The following CNTNAP4 variants were observed in gnomAD, a reference collection of about 807,000 sequenced individuals.
CNTNAP4 encodes contactin-associated protein-like 4.
CNTNAP4 carries 98 observed loss-of-function variants against 148.4 expected under a neutral mutation model. That is an observed-to-expected ratio of 0.66 (90% confidence interval 0.56 to 0.78). CNTNAP4 has a LOEUF of 0.78. CNTNAP4 is among the 30% of genes least tolerant of loss of function. The probability of loss-of-function intolerance (pLI) is 0.00; values close to 1 mark genes in which losing one functional copy is unlikely to be tolerated. For missense variants in CNTNAP4, 1,935 were observed against 1,565.6 expected (o/e 1.24, Z -3.98); for synonymous variants, 730 against 565.1 (o/e 1.29, Z -4.14).
At chr16:76,487,263 G>A (rs868145670) in intron 12 of CNTNAP4, among the ~76,000 whole-genome samples, 1 of 152,094 alleles carries the variant, frequency 6.6e-6, no homozygotes, top group Non-Finnish European at 1.5e-5. Context: ...TTATTCATTC[G>A]TTTGTTTATT....
chr16:76,385,492 A>T (rs779368131), intron 3 of CNTNAP4, among the ~76,000 whole-genome samples: 44 of 152,042 alleles, frequency 2.9e-4, no homozygotes, highest in Non-Finnish European at 6.3e-4. Flanking sequence ...ATATATAGCA[A>T]TGTTTCCTTT....
chr16:76,402,566 C>G (rs2078457094), intron 3 of CNTNAP4, among the ~76,000 whole-genome samples: 1 of 151,932 alleles, frequency 6.6e-6, no homozygotes. Flanking sequence ...CAGTTTAGCT[C>G]TGATTTTGGT....
intron 1 of CNTNAP4, among the ~76,000 whole-genome samples, chr16:76,303,203 T>G (rs182550617): frequency 5.3e-4 from 81 of 152,154 alleles, no homozygotes; most frequent in African/African-American, 1.6e-3. Flanking sequence ...GTTGGCTTGA[T>G]TTTTTTTCCC....
chr16:76,364,429 CA>C (rs1453809491), intron 3 of CNTNAP4, among the ~76,000 whole-genome samples: 1 of 152,114 alleles, frequency 6.6e-6, no homozygotes, highest in East Asian at 1.9e-4. Context: ...GGTGCCTCTT[CA>C]GAGTGTACAC....
At chr16:76,438,476 AAG>A (rs2079916143) in intron 4 of CNTNAP4, among the ~76,000 whole-genome samples, 3 of 152,106 alleles carry the variant, frequency 2.0e-5, no homozygotes, top group Non-Finnish European at 4.4e-5. Flanking sequence ...AAAGGGAAGA[AAG>A]AAATCCCACA....
intron 20 of CNTNAP4, among the ~76,000 whole-genome samples, chr16:76,540,378 CT>C (rs1171390041): frequency 6.6e-6 from 1 of 151,864 alleles, no homozygotes; most frequent in East Asian, 1.9e-4. Context: ...CCTTTTGTAT[CT>C]TTTTGTTGGC....
intron 3 of CNTNAP4, among the ~76,000 whole-genome samples, chr16:76,391,304 C>T (rs1418038699): frequency 4.6e-5 from 7 of 152,116 alleles, no homozygotes; most frequent in Non-Finnish European, 8.8e-5. Context: ...TCGCATTTGA[C>T]GTTTCACATC....
intron 2 of CNTNAP4, among the ~76,000 whole-genome samples, chr16:76,318,828 T>C (rs951406537): frequency 6.6e-6 from 1 of 151,008 alleles, no homozygotes; most frequent in Non-Finnish European, 1.5e-5. Flanking sequence ...CTCATAACAT[T>C]TCTCATAATA....
chr16:76,457,172 G>A (rs547773440), intron 8 of CNTNAP4, among the ~76,000 whole-genome samples: 15 of 152,252 alleles, frequency 9.9e-5, no homozygotes, highest in South Asian at 4.1e-4. Context: ...ACAGTGGTGC[G>A]GCCCTTGAAA....
chr16:76,558,379 A>T, intron 23 of CNTNAP4, 111 bp from the exon 24 acceptor site: 1 of 597,468 alleles, frequency 1.7e-6, no homozygotes, highest in Non-Finnish European at 3.0e-6. Flanking sequence ...ATTTATATGT[A>T]GTAGATGCTT....
At chr16:76,343,705 A>G (rs540298191) in intron 2 of CNTNAP4, among the ~76,000 whole-genome samples, 9 of 152,172 alleles carry the variant, frequency 5.9e-5, no homozygotes, top group East Asian at 1.9e-4. Context: ...TTTTAACACA[A>G]TGTAATACTG....
rs1336214678 is a variant in CNTNAP4, at chr16:76,539,728, A to G, written c.3230A>G (p.Gln1077Arg). Residue 1077 changes from glutamine (Q) to arginine (R), a missense_variant, in exon 20 of 24, where the codon CAG becomes CGG. Transcript: ENST00000611870. ...SVIIAKNGSL[Q>R]IRYKLNKYQE... ...TTTTTCCCCACTCTAGGAAGTTTGCAGATCAGGTACAAGTTAAATAAATAT... is the reference window on the plus strand; with the variant it reads ...TTTTTCCCCACTCTAGGAAGTTTGCGGATCAGGTACAAGTTAAATAAATAT... 6.3e-7 allele frequency: 1 copy of G among 1,593,946 alleles called. No individual in the cohort carries two copies. The highest frequency in any genetic ancestry group is 8.5e-7 in the Non-Finnish European group (1 of 1,173,926).
intron 12 of CNTNAP4, among the ~76,000 whole-genome samples, chr16:76,481,565 C>T (rs1053194187): frequency 6.6e-6 from 1 of 151,780 alleles, no homozygotes; most frequent in African/African-American, 2.4e-5. Context: ...TGCATTTTAA[C>T]TGCTTAATAG....
chr16:76,320,852 G>A lies in CNTNAP4; in HGVS notation c.196+4329G>A, dbSNP rs533396012. On this transcript the variant is annotated intron_variant, in intron 2 of 23. Coordinates refer to ENST00000611870, the MANE Select transcript of CNTNAP4 (RefSeq NM_033401.5). ...AGTGATTGCAAATTGATAAATTTGT[G>A]TACAGGAAAAATAATACAATAGTAA... Among the ~76,000 whole-genome samples the A allele has an allele frequency of 1.4e-4, 21 of 152,204 alleles. No individual in the cohort carries two copies. In the South Asian group the frequency reaches 3.9e-3, roughly 29 times the overall value.
chr16:76,556,212 G>T (rs1264496441), intron 23 of CNTNAP4, among the ~76,000 whole-genome samples: 3 of 152,030 alleles, frequency 2.0e-5, no homozygotes, highest in Middle Eastern at 3.2e-3. Context: ...GTGGTAGGGG[G>T]TTTCTGGCCA....
intron 13 of CNTNAP4, among the ~76,000 whole-genome samples, chr16:76,491,690 A>G (rs1363862415): frequency 6.6e-6 from 1 of 152,252 alleles, no homozygotes; most frequent in Admixed American, 6.5e-5. Context: ...CTGTGGAACA[A>G]AATGAACTCA....
intron 8 of CNTNAP4, among the ~76,000 whole-genome samples, chr16:76,459,333 G>C (rs2080852500): frequency 6.6e-6 from 1 of 152,208 alleles, no homozygotes; most frequent in African/African-American, 2.4e-5. Flanking sequence ...CTATTTCAGA[G>C]TCCACTCTTA....
At chr16:76,498,469 T>C (rs1271592637) in intron 14 of CNTNAP4, 98 bp from the exon 15 acceptor site, 22 of 939,852 alleles carry the variant, frequency 2.3e-5, no homozygotes, top group Non-Finnish European at 3.5e-5. Context: ...TCCATACTCT[T>C]TTGTAGGTGC....
intron 15 of CNTNAP4, among the ~76,000 whole-genome samples, chr16:76,502,418 T>C (rs1257617939): frequency 2.0e-5 from 3 of 151,124 alleles, no homozygotes; most frequent in Admixed American, 2.0e-4. Flanking sequence ...TGGACAGATA[T>C]AGGACTAACA....
Sources: gnomAD v4.1 joint callset for allele counts (sites outside exome capture counted in the v4.1 genomes callset) on GRCh38, gnomAD v4.1.1 for gene constraint, MANE v1.5 for transcripts, NCBI Gene and HGNC (gene_info 2026-07-23, HGNC 2026-07-21) for gene names.